The following PSMF1 variants were observed in gnomAD, a reference collection of about 807,000 sequenced individuals.
The protein encoded by PSMF1 is proteasome inhibitor PI31 subunit.
In PSMF1, 30 loss-of-function variants were observed where a neutral mutation model predicts 29.3. The observed-to-expected ratio is 1.02, with a 90% confidence interval of 0.77 to 1.39. PSMF1 has a LOEUF of 1.39. Among genes scored for constraint, PSMF1 ranks in the 40% most tolerant of loss-of-function variants. The probability of loss-of-function intolerance (pLI) is 0.00; values close to 1 mark genes in which losing one functional copy is unlikely to be tolerated. For missense variants in PSMF1, 344 were observed against 357.5 expected, an observed-to-expected ratio of 0.96 and a Z score of 0.31; for synonymous variants, 134 against 139.7, an observed-to-expected ratio of 0.96 and a Z score of 0.29.
At position 1,167,817 on chromosome 20, in the gene PSMF1, T is replaced by G. The variant is rs1053543400; in HGVS notation, c.*2737T>G. The G allele has an allele frequency of 6.6e-6, 1 of 152,228 alleles. No homozygotes were observed. Among genetic ancestry groups the G allele is most frequent in the African/African-American group, 2.4e-5 (1 of 41,460 alleles). 9.4% of individuals were successfully genotyped at this position (152,228 alleles called of 1,614,324 possible). A position where few individuals can be genotyped will look rare whatever the true frequency, so the allele number is the denominator to read the frequency against. On this transcript the variant is annotated 3_prime_UTR_variant, in exon 7 of 7. Transcript: ENST00000335877. ...ACCAGTTTTTGAGTTTTCAGTTGTT[T>G]GAGTTTCAGATGTTTTCAGTTCATT...
intron 4 of PSMF1, among the ~76,000 whole-genome samples, chr20:1,141,476 C>CT (rs1375945403): frequency 1.3e-5 from 2 of 150,984 alleles, no homozygotes; most frequent in African/African-American, 2.4e-5. Context: ...ATGACTGGGG[C>CT]TTTTTTTTTC....
intron 1 of PSMF1, among the ~76,000 whole-genome samples, chr20:1,121,387 T>G (rs1247411589): frequency 1.3e-5 from 2 of 151,936 alleles, no homozygotes; most frequent in African/African-American, 4.8e-5. Context: ...GGTGTATTTT[T>G]GCTTCTCTCT....
chr20:1,130,903 T>C (rs960207556), intron 3 of PSMF1, among the ~76,000 whole-genome samples: 1 of 152,250 alleles, frequency 6.6e-6, no homozygotes, highest in African/African-American at 2.4e-5. Context: ...TATTTTACAT[T>C]TACCTTCTTA....
chr20:1,157,051 A>C (rs368677426), intron 4 of PSMF1, among the ~76,000 whole-genome samples: 2 of 152,214 alleles, frequency 1.3e-5, no homozygotes, highest in Non-Finnish European at 2.9e-5. Flanking sequence ...CTGAGTCCCA[A>C]AACTGAAGAA....
upstream of PSMF1, among the ~76,000 whole-genome samples, chr20:1,116,200 T>C (rs1056649073): frequency 2.6e-5 from 4 of 152,150 alleles, no homozygotes; most frequent in African/African-American, 7.2e-5. Context: ...TGAAAGTTTA[T>C]TGATGGAATG....
chr20:1,161,772 A>G (rs2086670002), intron 4 of PSMF1: 1 of 426,204 alleles, frequency 2.3e-6, no homozygotes, highest in Non-Finnish European at 4.4e-6. Flanking sequence ...TGACAAATGT[A>G]TACACCTCAT....
intron 4 of PSMF1, among the ~76,000 whole-genome samples, chr20:1,153,087 G>T (rs1368571160): frequency 6.6e-6 from 1 of 152,096 alleles, no homozygotes; most frequent in Non-Finnish European, 1.5e-5. Flanking sequence ...CCTTACCAAT[G>T]CTGGAGTCAG....
At chr20:1,125,458 G>A in intron 1 of PSMF1, 40 bp from the exon 2 acceptor site, 1 of 1,555,710 alleles carries the variant, frequency 6.4e-7, no homozygotes, top group Non-Finnish European at 8.7e-7. Flanking sequence ...TCTGTGTTTT[G>A]AGTTCATGAT....
In PSMF1 at chr20:1,151,038, A is replaced by C. The variant is rs550711906; in HGVS notation, c.552-12092A>C. ...ATCCTCTACCTATGTTACTTTAATA[A>C]TTTAATTTTCATTTTTCATTACTTG... is the stretch of plus-strand genomic sequence containing the variant. On this transcript the variant is annotated intron_variant, in intron 4 of 6. Transcript: ENST00000335877. Among the ~76,000 whole-genome samples, 11 of 152,326 alleles carry C rather than the reference A, an allele frequency of 7.2e-5. 1 individual carries two copies. In the South Asian group the frequency reaches 2.3e-3, roughly 32 times the overall value.
intron 1 of PSMF1, chr20:1,113,494 C>CACA: frequency 2.0e-5 from 1 of 48,878 alleles, no homozygotes; most frequent in Non-Finnish European, 4.3e-5. Flanking sequence ...ACACACACAC[C>CACA]AGCCCCAGGA....
chr20:1,156,211 C>A (rs1280073545), intron 4 of PSMF1, among the ~76,000 whole-genome samples: 1 of 152,070 alleles, frequency 6.6e-6, no homozygotes, highest in Non-Finnish European at 1.5e-5. Context: ...TACAAATTAT[C>A]CTATCTGAAC....
chr20:1,140,205 T>C (rs927144002), intron 4 of PSMF1, among the ~76,000 whole-genome samples: 10 of 152,220 alleles, frequency 6.6e-5, no homozygotes, highest in African/African-American at 1.4e-4. Context: ...TCAAAACTTA[T>C]TACAAAGCTT....
intron 4 of PSMF1, among the ~76,000 whole-genome samples, chr20:1,147,246 C>T (rs993467323): frequency 2.6e-5 from 4 of 151,972 alleles, no homozygotes; most frequent in East Asian, 3.9e-4. Flanking sequence ...GCCTGTGAAC[C>T]GAGTGTGTTA....
chr20:1,121,337 C>T (rs745928328), intron 1 of PSMF1, among the ~76,000 whole-genome samples: 5 of 152,004 alleles, frequency 3.3e-5, no homozygotes, highest in Non-Finnish European at 7.4e-5. Flanking sequence ...ATCTTGCATG[C>T]CCCCGAAGGA....
chr20:1,161,871 T>C (rs1042155566), intron 4 of PSMF1, among the ~76,000 whole-genome samples: 1 of 152,256 alleles, frequency 6.6e-6, no homozygotes, highest in Admixed American at 6.5e-5. Context: ...GTAGAACTTG[T>C]TGCTGATTTT....
At position 1,166,065 on chromosome 20, in the gene PSMF1, G is replaced by A; in HGVS notation, c.*985G>A. On this transcript the variant is annotated 3_prime_UTR_variant, in exon 7 of 7. Transcript: ENST00000335877. The stretch of plus-strand genomic sequence containing the variant: ...CCATACTTCCCTTGAACCTTGTGTG[G>A]TTCTTGCCTAACTCTGTGGTTTTTG... The A allele has an allele frequency of 6.7e-7, 1 of 1,499,366 alleles. No individual in the cohort carries two copies. The allele number at this position is 1,499,366 out of a possible 1,614,324, so 92.9% of individuals were successfully genotyped here.
intron 4 of PSMF1, among the ~76,000 whole-genome samples, chr20:1,158,022 C>A (rs559490470): frequency 6.6e-6 from 1 of 152,204 alleles, no homozygotes; most frequent in East Asian, 1.9e-4. Context: ...CCCTTCTCAG[C>A]CTGTTGACTT....
chr20:1,148,847 A>G (rs1431489079), intron 4 of PSMF1, among the ~76,000 whole-genome samples: 1 of 152,182 alleles, frequency 6.6e-6, no homozygotes, highest in South Asian at 2.1e-4. Context: ...ACTCTCAAAA[A>G]TTATTGAGGA....
chr20:1,130,253 G>A (rs546796736), intron 3 of PSMF1, among the ~76,000 whole-genome samples: 1 of 152,288 alleles, frequency 6.6e-6, no homozygotes, highest in East Asian at 1.9e-4. Context: ...TGGATGGTAG[G>A]TGATTGCACA....
Sources: allele counts gnomAD v4.1 joint callset (sites outside exome capture counted in the v4.1 genomes callset), GRCh38; gene constraint gnomAD v4.1.1; transcripts MANE v1.5; gene names NCBI Gene and HGNC (gene_info 2026-07-23, HGNC 2026-07-21).